CDH12: variants seen among roughly 807,000 people sequenced by gnomAD.
CDH12 encodes the protein cadherin 12, also known as cadherin-12.
CDH12 carries 41 observed loss-of-function variants against 74.1 expected under a neutral mutation model. The observed-to-expected ratio is 0.55, with a 90% CI of 0.43 to 0.72. The LOEUF is 0.72. Among genes scored for constraint, CDH12 ranks in the 30% least tolerant of loss-of-function variants. The pLI, the probability that CDH12 is intolerant of heterozygous loss-of-function variation, is 0.00. For missense variants in CDH12, 945 were observed against 977.2 expected, an observed-to-expected ratio of 0.97 and a Z score of 0.44; for synonymous variants, 399 against 355.0, an observed-to-expected ratio of 1.12 and a Z score of -1.39.
At chr5:22,384,394 T>C (rs990072021) in intron 3 of CDH12, among the ~76,000 whole-genome samples, 9 of 149,314 alleles carry the variant, frequency 6.0e-5, no homozygotes, top group Non-Finnish European at 7.4e-5. Flanking sequence ...GGCGTGATGG[T>C]GGGCGCCTGT....
chr5:22,584,275 C>T (rs486634), intron 1 of CDH12, among the ~76,000 whole-genome samples: 83,353 of 151,672 alleles, frequency 0.55, 23,179 homozygotes, highest in East Asian at 0.68. Context: ...AACTTTTGTA[C>T]TTTTAGCAGA....
chr5:22,208,132 G>A (rs1751323233), intron 4 of CDH12, among the ~76,000 whole-genome samples: 3 of 152,124 alleles, frequency 2.0e-5, no homozygotes, highest in South Asian at 4.1e-4. Context: ...CCTAGAACAC[G>A]TACAGCCACT....
intron 3 of CDH12, among the ~76,000 whole-genome samples, chr5:22,219,164 T>C (rs1037933405): frequency 1.3e-5 from 2 of 151,756 alleles, no homozygotes; most frequent in Non-Finnish European, 1.5e-5. Context: ...TAGCCTATCT[T>C]CAGCATCTAT....
intron 3 of CDH12, among the ~76,000 whole-genome samples, chr5:22,283,188 T>C (rs1001554542): frequency 1.5e-5 from 2 of 132,698 alleles, no homozygotes; most frequent in African/African-American, 5.7e-5. Flanking sequence ...AAATAATTCC[T>C]GGAGGAACAT....
chr5:22,735,745 A>T (rs1329254305), intron 1 of CDH12, among the ~76,000 whole-genome samples: 17 of 151,902 alleles, frequency 1.1e-4, no homozygotes, highest in Admixed American at 1.1e-3. Flanking sequence ...CACATCCATG[A>T]TTGAAAATTG....
intron 1 of CDH12, among the ~76,000 whole-genome samples, chr5:22,783,521 T>G (rs749362200): frequency 3.3e-5 from 5 of 152,184 alleles, no homozygotes; most frequent in Non-Finnish European, 5.9e-5. Flanking sequence ...ATAAAGGCTT[T>G]CTAGAGTTAT....
chr5:22,076,123 T>A (rs566107997), intron 5 of CDH12, among the ~76,000 whole-genome samples: 1 of 152,202 alleles, frequency 6.6e-6, no homozygotes, highest in South Asian at 2.1e-4. Context: ...GAACCATGAG[T>A]GTTCATTATC....
chr5:21,956,998 C>T (rs1255059175), intron 6 of CDH12, among the ~76,000 whole-genome samples: 1 of 151,720 alleles, frequency 6.6e-6, no homozygotes, highest in Non-Finnish European at 1.5e-5. Context: ...GTTTGTTGTA[C>T]AGATCATTTT....
At chr5:22,091,329 G>T (rs898192783) in intron 4 of CDH12, among the ~76,000 whole-genome samples, 2 of 149,140 alleles carry the variant, frequency 1.3e-5, no homozygotes, top group Admixed American at 1.4e-4. Context: ...GAGGGAGAGT[G>T]TTAGAGGCCT....
At chr5:21,848,395 G>A (rs778034110) in intron 7 of CDH12, among the ~76,000 whole-genome samples, 3 of 151,904 alleles carry the variant, frequency 2.0e-5, no homozygotes, top group Non-Finnish European at 2.9e-5. Flanking sequence ...TACTCAAAAC[G>A]TAACTTCAGC....
rs117596151 is a variant in CDH12 at position 21,799,560 on chromosome 5, T to C, written c.1256+2607A>G. On this transcript the variant is annotated intron_variant, in intron 10 of 14. Transcript: ENST00000382254. Reference sequence around the variant, plus strand: ...AAAAAGCCAGGAAAACAGATGAGATTATAATAGCAGAAACACTGCCAGCTG... The same window carrying C: ...AAAAAGCCAGGAAAACAGATGAGATCATAATAGCAGAAACACTGCCAGCTG... Among the ~76,000 whole-genome samples the C allele has an allele frequency of 3.2e-4, 49 of 152,222 alleles. 1 individual carries two copies. The East Asian group carries it at 8.9e-3, about 28-fold the overall frequency.
chr5:22,596,998 A>T (rs1218592927), intron 1 of CDH12, among the ~76,000 whole-genome samples: 1 of 152,192 alleles, frequency 6.6e-6, no homozygotes, highest in Non-Finnish European at 1.5e-5. Flanking sequence ...TACCAATTTC[A>T]TTATGATTAT....
intron 4 of CDH12, among the ~76,000 whole-genome samples, chr5:22,110,277 C>A (rs1434588259): frequency 6.6e-6 from 1 of 152,108 alleles, no homozygotes; most frequent in East Asian, 1.9e-4. Context: ...ATTTAGGGGT[C>A]CTTCTTCAGG....
chr5:22,851,585 A>C (rs1039529462), intron 1 of CDH12, among the ~76,000 whole-genome samples: 1 of 152,138 alleles, frequency 6.6e-6, no homozygotes, highest in Admixed American at 6.5e-5. Context: ...GTGGAGAGAC[A>C]GTTTCTAAAT....
intron 2 of CDH12, among the ~76,000 whole-genome samples, chr5:22,497,228 T>C (rs193283422): frequency 6.6e-6 from 1 of 152,298 alleles, no homozygotes; most frequent in Admixed American, 6.5e-5. Context: ...CACCCCTGAA[T>C]TTTGTATGAA....
chr5:22,749,169 C>T (rs1030037279), intron 1 of CDH12, among the ~76,000 whole-genome samples: 5 of 152,168 alleles, frequency 3.3e-5, no homozygotes, highest in African/African-American at 1.2e-4. Context: ...AACGTGCAAG[C>T]AGAAGTTGAA....
At chr5:22,384,383 G>A (rs1311662831) in intron 3 of CDH12, among the ~76,000 whole-genome samples, 1 of 150,552 alleles carries the variant, frequency 6.6e-6, no homozygotes, top group African/African-American at 2.4e-5. Context: ...AAAATTAGCC[G>A]GGCGTGATGG....
chr5:22,812,355 A>G (rs73745216), intron 1 of CDH12, among the ~76,000 whole-genome samples: 3,911 of 152,204 alleles, frequency 0.026, 170 homozygotes, highest in African/African-American at 0.09. Context: ...GGTGTGCACT[A>G]CCACCCTGTC....
chr5:22,788,015 G>C (rs1747727454), intron 1 of CDH12, among the ~76,000 whole-genome samples: 1 of 152,170 alleles, frequency 6.6e-6, no homozygotes, highest in Admixed American at 6.6e-5. Context: ...TCACACAAGA[G>C]AATGAATAAT....
Sources: allele counts gnomAD v4.1 joint callset (sites outside exome capture counted in the v4.1 genomes callset), GRCh38; gene constraint gnomAD v4.1.1; transcripts MANE v1.5; gene names NCBI Gene and HGNC (gene_info 2026-07-23, HGNC 2026-07-21).